Variants in CHRM3 observed in about 807,000 individuals in gnomAD.
CHRM3 encodes muscarinic acetylcholine receptor M3.
CHRM3 carries 11 observed loss-of-function variants against 41.8 expected under a neutral mutation model. That is an observed-to-expected ratio of 0.26 (90% confidence interval 0.17 to 0.44). The LOEUF (loss-of-function observed/expected upper bound fraction) is 0.44, where lower values mean the gene tolerates loss of function less well. Ranked by LOEUF, CHRM3 falls within the 20% of genes least tolerant of loss-of-function variation. CHRM3 has a pLI of 1.00. For synonymous variants in CHRM3, 297 were observed against 301.4 expected (o/e 0.99, Z 0.15); for missense variants, 571 against 745.4 (o/e 0.77, Z 2.72).
intron 2 of CHRM3, among the ~76,000 whole-genome samples, chr1:239,501,079 C>T (rs1668212237): frequency 1.3e-5 from 2 of 152,128 alleles, no homozygotes; most frequent in African/African-American, 4.8e-5. Context: ...GCAAATATCA[C>T]CATCCTAAAC....
chr1:239,548,308 G>A (rs531318832), intron 3 of CHRM3, among the ~76,000 whole-genome samples: 20 of 152,266 alleles, frequency 1.3e-4, no homozygotes, highest in African/African-American at 4.8e-4. Flanking sequence ...CAGTTGCTGG[G>A]CTGACATGTA....
chr1:239,529,609 C>CAAA (rs74990447), intron 2 of CHRM3, among the ~76,000 whole-genome samples: 152 of 110,508 alleles, frequency 1.4e-3, no homozygotes, highest in East Asian at 4.8e-3. Context: ...GACTCCGTCT[C>CAAA]AAAAAAAAAA....
chr1:239,811,769 C>T (rs1175320510), intron 5 of CHRM3, among the ~76,000 whole-genome samples: 1 of 152,062 alleles, frequency 6.6e-6, no homozygotes, highest in Admixed American at 6.6e-5. Flanking sequence ...TTAAAAGTTT[C>T]TCTAGGGGAA....
chr1:239,702,567 A>T (rs1287912260), intron 5 of CHRM3, among the ~76,000 whole-genome samples: 1 of 152,226 alleles, frequency 6.6e-6, no homozygotes, highest in Non-Finnish European at 1.5e-5. Context: ...ATATTAACTT[A>T]ATGTCTACCA....
At chr1:239,612,113 A>G (rs1320174141) in intron 3 of CHRM3, among the ~76,000 whole-genome samples, 1 of 152,182 alleles carries the variant, frequency 6.6e-6, no homozygotes, top group Non-Finnish European at 1.5e-5. Context: ...AAAGATATTC[A>G]GAGATGGAAG....
chr1:239,690,029 A>T lies in CHRM3; in HGVS notation c.-147+11741A>T, dbSNP rs948727459. Among the ~76,000 whole-genome samples, 4 of 146,584 alleles carry T rather than the reference A, an allele frequency of 2.7e-5. No homozygotes were observed. The East Asian group carries it at 7.9e-4, about 29-fold the overall frequency. The stretch of plus-strand genomic sequence containing the variant: ...ACTTGACACTAAAACAGAGAGAGAG[A>T]GACAGAGAGAGAGACACAGAGAGAG... On this transcript the variant is annotated intron_variant, in intron 5 of 6. Transcript: ENST00000676153.
intron 6 of CHRM3, among the ~76,000 whole-genome samples, chr1:239,901,361 T>A (rs1405462125): frequency 2.6e-5 from 4 of 152,008 alleles, no homozygotes; most frequent in Admixed American, 2.0e-4. Context: ...TTCGGGACAT[T>A]ACAGATTGAG....
chr1:239,432,719 G>A (rs751767476), intron 1 of CHRM3, among the ~76,000 whole-genome samples: 3 of 152,164 alleles, frequency 2.0e-5, no homozygotes, highest in Non-Finnish European at 4.4e-5. Context: ...AATTTAAGGA[G>A]AAGATTGAGG....
intron 6 of CHRM3, among the ~76,000 whole-genome samples, chr1:239,902,454 C>A (rs533899351): frequency 6.6e-6 from 1 of 152,190 alleles, no homozygotes; most frequent in South Asian, 2.1e-4. Flanking sequence ...TGCTCTATTG[C>A]TTTCTAATAA....
At chr1:239,642,350 C>T (rs887846614) in intron 4 of CHRM3, among the ~76,000 whole-genome samples, 5 of 152,050 alleles carry the variant, frequency 3.3e-5, no homozygotes, top group Admixed American at 6.6e-5. Context: ...GGATAATATC[C>T]GGCAGAGTGT....
At chr1:239,850,244 T>C (rs1329110421) in intron 6 of CHRM3, among the ~76,000 whole-genome samples, 3 of 152,088 alleles carry the variant, frequency 2.0e-5, no homozygotes, top group African/African-American at 7.2e-5. Flanking sequence ...AAGAAAACCA[T>C]TAAGAAGAGA....
intron 1 of CHRM3, among the ~76,000 whole-genome samples, chr1:239,452,896 G>C (rs1403470266): frequency 6.6e-6 from 1 of 152,112 alleles, no homozygotes; most frequent in Non-Finnish European, 1.5e-5. Flanking sequence ...CTCCTCCCGG[G>C]TTCACGCCAT....
chr1:239,725,635 G>A (rs746068807), intron 5 of CHRM3, among the ~76,000 whole-genome samples: 16 of 151,914 alleles, frequency 1.1e-4, no homozygotes, highest in African/African-American at 3.4e-4. Flanking sequence ...CTGTAAATGC[G>A]TGTTGATTGA....
At chr1:239,774,283 GGTGA>G (rs1667919254) in intron 5 of CHRM3, among the ~76,000 whole-genome samples, 1 of 152,050 alleles carries the variant, frequency 6.6e-6, no homozygotes, top group Admixed American at 6.6e-5. Flanking sequence ...GCTGTGGCTG[GGTGA>G]GTTAGATATA....
intron 5 of CHRM3, among the ~76,000 whole-genome samples, chr1:239,770,214 G>A (rs1011008968): frequency 1.3e-5 from 2 of 152,182 alleles, no homozygotes; most frequent in Admixed American, 6.5e-5. Context: ...TAAAATTCAC[G>A]GGACGTAGGT....
At chr1:239,673,160 A>T (rs1183886290) in intron 4 of CHRM3, among the ~76,000 whole-genome samples, 1 of 152,146 alleles carries the variant, frequency 6.6e-6, no homozygotes, top group East Asian at 1.9e-4. Context: ...GATGCCTTCA[A>T]GCAGAGAATG....
At chr1:239,867,894 G>A (rs1016410086) in intron 6 of CHRM3, among the ~76,000 whole-genome samples, 2 of 152,062 alleles carry the variant, frequency 1.3e-5, no homozygotes, top group East Asian at 1.9e-4. Context: ...CCCAGTCCCC[G>A]GAAGTGACAG....
intron 5 of CHRM3, among the ~76,000 whole-genome samples, chr1:239,764,729 C>G (rs1461150977): frequency 6.6e-6 from 1 of 152,246 alleles, no homozygotes; most frequent in Admixed American, 6.5e-5. Context: ...GCTACATTAA[C>G]TCAATAAATC....
Position 239,913,567 on chromosome 1 carries a change from G to T in CHRM3, c.*4343G>T, listed in dbSNP as rs1680480473. The T allele has an allele frequency of 6.0e-6, 1 of 166,984 alleles. No individual in the cohort carries two copies. Among genetic ancestry groups the T allele is most frequent in the Non-Finnish European group, 1.5e-5 (1 of 68,118 alleles). 10.3% of individuals were successfully genotyped at this position (166,984 alleles called of 1,614,324 possible). On this transcript the variant is annotated 3_prime_UTR_variant, in exon 7 of 7. Coordinates refer to ENST00000676153, the MANE Select transcript of CHRM3 (RefSeq NM_001375978.1). ...TCAGCCTCTCCCAGCATTAATGTGT[G>T]AGTCAACATTGCAGACCTGAGAAAG...
Sources: allele counts gnomAD v4.1 joint callset (sites outside exome capture counted in the v4.1 genomes callset), GRCh38; gene constraint gnomAD v4.1.1; transcripts MANE v1.5; gene names NCBI Gene and HGNC (gene_info 2026-07-23, HGNC 2026-07-21).